The following AFF3 variants were observed in gnomAD, a reference collection of about 807,000 sequenced individuals.
AFF3 encodes ALF transcription elongation factor 3.
In AFF3, 32 loss-of-function variants were observed where a neutral mutation model predicts 129.7. The observed-to-expected ratio is 0.25, with a 90% CI of 0.19 to 0.33. The LOEUF (loss-of-function observed/expected upper bound fraction) is 0.33, where lower values mean the gene tolerates loss of function less well. Among genes scored for constraint, AFF3 ranks in the 10% least tolerant of loss-of-function variants. The pLI is 1.00. For missense variants in AFF3, 1,373 were observed against 1,592.0 expected (o/e 0.86, Z 2.34); for synonymous variants, 644 against 635.4 (o/e 1.01, Z -0.20).
intron 11 of AFF3, among the ~76,000 whole-genome samples, chr2:99,676,479 C>A (rs892723357): frequency 1.3e-5 from 2 of 152,134 alleles, no homozygotes; most frequent in African/African-American, 4.8e-5. Flanking sequence ...CTGGGACCTG[C>A]CTCAGAGGGC....
At chr2:99,600,291 G>T (rs927107121) in intron 14 of AFF3, among the ~76,000 whole-genome samples, 1 of 152,126 alleles carries the variant, frequency 6.6e-6, no homozygotes, top group Admixed American at 6.6e-5. Flanking sequence ...AAAATGAGGA[G>T]TGTGGGGAAA....
At chr2:99,896,440 CTGCAGG>C (rs1247712805) in intron 7 of AFF3, among the ~76,000 whole-genome samples, 2 of 152,006 alleles carry the variant, frequency 1.3e-5, no homozygotes, top group African/African-American at 4.8e-5. Flanking sequence ...CCTGCCACTT[CTGCAGG>C]AGTCTCTGGT....
intron 7 of AFF3, among the ~76,000 whole-genome samples, chr2:99,919,576 A>T (rs912416663): frequency 2.0e-5 from 3 of 152,194 alleles, no homozygotes; most frequent in Non-Finnish European, 4.4e-5. Flanking sequence ...TTTATTAAAA[A>T]GTCTTCATTA....
At chr2:99,908,611 C>T (rs2106183726) in intron 7 of AFF3, among the ~76,000 whole-genome samples, 1 of 152,216 alleles carries the variant, frequency 6.6e-6, no homozygotes, top group Middle Eastern at 3.4e-3. Flanking sequence ...CTAAAATGAA[C>T]TCAAACAAAT....
intron 4 of AFF3, among the ~76,000 whole-genome samples, chr2:100,083,248 G>A (rs1378597133): frequency 6.6e-6 from 1 of 152,162 alleles, no homozygotes; most frequent in Non-Finnish European, 1.5e-5. Flanking sequence ...CTACGAGGAA[G>A]TCTAGGTCAA....
intron 10 of AFF3, among the ~76,000 whole-genome samples, chr2:99,730,290 T>A (rs1679718502): frequency 6.6e-6 from 1 of 152,166 alleles, no homozygotes; most frequent in Non-Finnish European, 1.5e-5. Flanking sequence ...ACAGTTACCT[T>A]TTTAACGCAA....
At chr2:99,751,505 C>T (rs1295528029) in intron 9 of AFF3, among the ~76,000 whole-genome samples, 1 of 152,140 alleles carries the variant, frequency 6.6e-6, no homozygotes, top group African/African-American at 2.4e-5. Context: ...TACATATTTT[C>T]TATATATAAT....
chr2:100,020,525 G>T (rs1164698129), intron 4 of AFF3, among the ~76,000 whole-genome samples: 1 of 152,066 alleles, frequency 6.6e-6, no homozygotes, highest in Non-Finnish European at 1.5e-5. Context: ...CAGCCTGCAT[G>T]TCCAGACTTA....
chr2:99,657,611 AT>A (rs1343038685), intron 12 of AFF3, among the ~76,000 whole-genome samples: 5 of 152,132 alleles, frequency 3.3e-5, no homozygotes, highest in African/African-American at 4.8e-5. Flanking sequence ...GTGGAAATAC[AT>A]TTTTTTCACA....
intron 8 of AFF3, among the ~76,000 whole-genome samples, chr2:99,796,773 A>T (rs1448790480): frequency 6.6e-6 from 1 of 152,170 alleles, no homozygotes; most frequent in Non-Finnish European, 1.5e-5. Flanking sequence ...ATCTGAAAGG[A>T]TTACAGAAAA....
chr2:99,612,206 C>T (rs1351570254), intron 13 of AFF3, among the ~76,000 whole-genome samples: 1 of 152,224 alleles, frequency 6.6e-6, no homozygotes, highest in Admixed American at 6.5e-5. Context: ...TGTCCCAGAA[C>T]AGGCAACCAC....
At chr2:99,900,127 G>A (rs1694241580) in intron 7 of AFF3, among the ~76,000 whole-genome samples, 1 of 152,180 alleles carries the variant, frequency 6.6e-6, no homozygotes, top group African/African-American at 2.4e-5. Flanking sequence ...TGGGAACCCT[G>A]TGAAGAGGCT....
chr2:99,875,686 T>C (rs966399543), intron 7 of AFF3, among the ~76,000 whole-genome samples: 1 of 152,176 alleles, frequency 6.6e-6, no homozygotes, highest in Non-Finnish European at 1.5e-5. Flanking sequence ...AATGACAATA[T>C]GTGAATGAGT....
intron 4 of AFF3, among the ~76,000 whole-genome samples, chr2:100,065,246 G>T (rs953190211): frequency 2.0e-5 from 3 of 152,170 alleles, no homozygotes; most frequent in Non-Finnish European, 4.4e-5. Flanking sequence ...TTAGTCAAAA[G>T]AGCAATAAAT....
chr2:99,991,907 ACAAAAACAAAAAC>A (rs1680376913), intron 7 of AFF3, among the ~76,000 whole-genome samples: 1 of 151,344 alleles, frequency 6.6e-6, no homozygotes, highest in African/African-American at 2.4e-5. Context: ...TGTCTCAAAA[ACAAAAACAAAAAC>A]AAAAAAACCC....
chr2:100,001,133 C>G (rs542469582), intron 7 of AFF3, among the ~76,000 whole-genome samples: 5 of 152,140 alleles, frequency 3.3e-5, no homozygotes, highest in South Asian at 2.1e-4. Flanking sequence ...GAAAGCTTTA[C>G]GAGAACTGAG....
chr2:99,583,726 C>T (rs1433706109), intron 16 of AFF3, among the ~76,000 whole-genome samples: 1 of 148,772 alleles, frequency 6.7e-6, no homozygotes, highest in Non-Finnish European at 1.5e-5. Context: ...GAGTTTCGCT[C>T]TTGTCACCCA....
At chr2:99,761,413 G>A (rs1030302834) in intron 8 of AFF3, among the ~76,000 whole-genome samples, 5 of 152,132 alleles carry the variant, frequency 3.3e-5, no homozygotes, top group Non-Finnish European at 7.3e-5. Context: ...ACTGACGCCA[G>A]TCTCCAAGAA....
intron 8 of AFF3, among the ~76,000 whole-genome samples, chr2:99,805,072 A>C (rs186859705): frequency 6.6e-5 from 10 of 152,304 alleles, no homozygotes; most frequent in Admixed American, 6.5e-4. Flanking sequence ...TGTACCCTAA[A>C]AGCTATTAAA....
Sources: gnomAD v4.1 joint callset for allele counts (sites outside exome capture counted in the v4.1 genomes callset) on GRCh38, gnomAD v4.1.1 for gene constraint, MANE v1.5 for transcripts, NCBI Gene and HGNC (gene_info 2026-07-23, HGNC 2026-07-21) for gene names.